The following BCL2L13 variants were observed in gnomAD, a reference collection of about 807,000 sequenced individuals.
BCL2L13 encodes the protein bcl-2-like protein 13.
BCL2L13 carries 13 observed loss-of-function variants against 25.8 expected under a neutral mutation model. The ratio of observed to expected loss-of-function variants is 0.50; its 90% CI spans 0.33 to 0.80. The LOEUF (loss-of-function observed/expected upper bound fraction) is 0.80, where lower values mean the gene tolerates loss of function less well. Ranked by LOEUF, BCL2L13 falls within the 30% of genes least tolerant of loss-of-function variation. BCL2L13 has a pLI of 0.02. For synonymous variants in BCL2L13, 244 were observed against 230.3 expected (o/e 1.06, Z -0.54); for missense variants, 504 against 574.9 (o/e 0.88, Z 1.26).
intron 2 of BCL2L13, among the ~76,000 whole-genome samples, chr22:17,680,237 A>G (rs531527440): frequency 1.6e-4 from 24 of 148,302 alleles, no homozygotes; most frequent in Admixed American, 3.4e-4. Context: ...AAAGCTGGGC[A>G]CGGTGGCTCA....
chr22:17,655,177 T>G (rs2058814260), intron 1 of BCL2L13, among the ~76,000 whole-genome samples: 2 of 152,014 alleles, frequency 1.3e-5, no homozygotes, highest in African/African-American at 4.8e-5. Context: ...GTCTTCTACC[T>G]CCACATCTTG....
chr22:17,696,262 A>T (rs2060261628), intron 5 of BCL2L13, 52 bp downstream of exon 5: 1 of 1,400,002 alleles, frequency 7.1e-7, no homozygotes, highest in African/African-American at 1.4e-5. Context: ...GTTAATGATA[A>T]GACGTAGGAG....
At chr22:17,645,840 T>C (rs916049403) in intron 1 of BCL2L13, among the ~76,000 whole-genome samples, 8 of 151,514 alleles carry the variant, frequency 5.3e-5, no homozygotes, top group East Asian at 3.9e-4. Flanking sequence ...TTATCCAGTT[T>C]CCATATCTCT....
At chr22:17,722,445 T>C (rs2061174097) in intron 6 of BCL2L13, among the ~76,000 whole-genome samples, 2 of 151,160 alleles carry the variant, frequency 1.3e-5, no homozygotes, top group Admixed American at 1.3e-4. Flanking sequence ...TCTTACTATG[T>C]TGCTCAAGCT....
chr22:17,658,681 G>A (rs1437552514), intron 2 of BCL2L13, among the ~76,000 whole-genome samples: 1 of 123,190 alleles, frequency 8.1e-6, no homozygotes, highest in Non-Finnish European at 1.6e-5. Context: ...GGGCAACAGA[G>A]CAAGACTCTG....
chr22:17,663,487 C>T (rs1277621128), intron 2 of BCL2L13, among the ~76,000 whole-genome samples: 1 of 152,044 alleles, frequency 6.6e-6, no homozygotes, highest in Non-Finnish European at 1.5e-5. Context: ...TCATCAAACT[C>T]CCAGAGGAAC....
intron 6 of BCL2L13, among the ~76,000 whole-genome samples, chr22:17,720,205 G>A (rs1438765475): frequency 1.3e-5 from 1 of 79,096 alleles, no homozygotes; most frequent in South Asian, 3.8e-4. Context: ...GTCTCGTTCT[G>A]TCATTCAGGC....
chr22:17,640,247 G>C (rs2058227921), intron 1 of BCL2L13, among the ~76,000 whole-genome samples: 1 of 152,148 alleles, frequency 6.6e-6, no homozygotes, highest in African/African-American at 2.4e-5. Context: ...TCTTCATTTG[G>C]TAATAGGCAG....
intron 6 of BCL2L13, among the ~76,000 whole-genome samples, chr22:17,712,700 T>G (rs916727984): frequency 6.6e-6 from 1 of 152,240 alleles, no homozygotes; most frequent in African/African-American, 2.4e-5. Flanking sequence ...AATACAACTT[T>G]ACAGGAAAAT....
At chr22:17,717,031 T>C (rs2060965732) in intron 6 of BCL2L13, among the ~76,000 whole-genome samples, 1 of 152,242 alleles carries the variant, frequency 6.6e-6, no homozygotes, top group Admixed American at 6.5e-5. Context: ...CTTCACCCCC[T>C]GTCCTATGCT....
chr22:17,661,267 A>G lies in BCL2L13; in HGVS notation c.121+5435A>G, dbSNP rs997509495. Among the ~76,000 whole-genome samples, 11 of 143,280 alleles carry G rather than the reference A, an allele frequency of 7.7e-5. 3 individuals carry two copies. Among genetic ancestry groups the G allele is most frequent in the Admixed American group, 2.8e-4 (4 of 14,316 alleles). The allele number at this position is 143,280 out of a possible 152,430, so 94.0% of individuals were successfully genotyped here. On this transcript the variant is annotated intron_variant, in intron 2 of 6. Coordinates refer to ENST00000317582, the MANE Select transcript of BCL2L13 (RefSeq NM_015367.4). ...GCCACTGCCCCTGGCTAATTTTTGTATTTTTAGTAGAGACAGGGTTTCACT... is the reference window on the plus strand; with the variant it reads ...GCCACTGCCCCTGGCTAATTTTTGTGTTTTTAGTAGAGACAGGGTTTCACT...
chr22:17,655,680 T>C lies in BCL2L13; in HGVS notation c.-32T>C, dbSNP rs1249510476. ...TTCTTAGGTTTTACACATCCATAAG[T>C]AGACCTTTTTGGAGCCTCACCAGCC... On this transcript the variant is annotated 5_prime_UTR_variant, in exon 2 of 7. Transcript: ENST00000317582. 6.2e-7 allele frequency: 1 copy of C among 1,604,678 alleles called. No individual in the cohort carries two copies. The highest frequency in any genetic ancestry group is 1.3e-5 in the African/African-American group (1 of 74,562).
At chr22:17,646,483 A>T (rs985428871) in intron 1 of BCL2L13, among the ~76,000 whole-genome samples, 8 of 150,938 alleles carry the variant, frequency 5.3e-5, no homozygotes, top group Admixed American at 2.0e-4. Context: ...TCCTGACCTC[A>T]GGTGATCCGC....
intron 6 of BCL2L13, among the ~76,000 whole-genome samples, chr22:17,722,237 T>A (rs1255427081): frequency 6.6e-6 from 1 of 152,096 alleles, no homozygotes. Context: ...CCTCTGTTTT[T>A]TTTGGAATTG....
In BCL2L13 at chr22:17,727,680, C is replaced by T. The variant is rs2061334783; in HGVS notation, c.*146C>T. The stretch of plus-strand genomic sequence containing the variant: ...CTCAACATGGCAGTGGCATGTTAGG[C>T]ATGTTAGGGCTTGAGGTGGGGCATT... On this transcript the variant is annotated 3_prime_UTR_variant, in exon 7 of 7. Coordinates refer to ENST00000317582, the MANE Select transcript of BCL2L13 (RefSeq NM_015367.4). The T allele has an allele frequency of 5.5e-6, 6 of 1,090,466 alleles. No individual in the cohort carries two copies. In the South Asian group the frequency reaches 7.7e-5, roughly 14 times the overall value. The allele number at this position is 1,090,466 out of a possible 1,614,324, so 67.5% of individuals were successfully genotyped here.
At chr22:17,697,914 C>T (rs866623752) in intron 5 of BCL2L13, among the ~76,000 whole-genome samples, 6 of 152,076 alleles carry the variant, frequency 3.9e-5, no homozygotes, top group African/African-American at 1.2e-4. Flanking sequence ...CTGCAACCTC[C>T]GCCTCCCAGG....
chr22:17,711,840 C>G (rs777780821), intron 6 of BCL2L13, among the ~76,000 whole-genome samples: 8 of 152,110 alleles, frequency 5.3e-5, no homozygotes, highest in Non-Finnish European at 8.8e-5. Flanking sequence ...GTTTGAAGAA[C>G]TGTGTAATTG....
Position 17,728,107 on chromosome 22 carries a change from C to G in BCL2L13, c.*573C>G. On this transcript the variant is annotated 3_prime_UTR_variant, in exon 7 of 7. Coordinates refer to ENST00000317582, the MANE Select transcript of BCL2L13 (RefSeq NM_015367.4). ...CATCTTTCTCGATGAGCAGGCTCTG[C>G]ACCCACTCTTTTTTTGCCCCCCGCC... 1.3e-5 allele frequency: 2 copies of G among 155,996 alleles called. No homozygotes were observed. The highest frequency in any genetic ancestry group is 1.9e-4 in the South Asian group (1 of 5,254). The allele number at this position is 155,996 out of a possible 1,614,324, so 9.7% of individuals were successfully genotyped here. A position where few individuals can be genotyped will look rare whatever the true frequency, so the allele number is the denominator to read the frequency against.
At chr22:17,668,020 T>A (rs2059290917) in intron 2 of BCL2L13, among the ~76,000 whole-genome samples, 1 of 148,398 alleles carries the variant, frequency 6.7e-6, no homozygotes, top group African/African-American at 2.5e-5. Flanking sequence ...TGCCTATTCT[T>A]TTTTTTTTTT....
Sources: allele counts gnomAD v4.1 joint callset (sites outside exome capture counted in the v4.1 genomes callset), GRCh38; gene constraint gnomAD v4.1.1; transcripts MANE v1.5; gene names NCBI Gene and HGNC (gene_info 2026-07-23, HGNC 2026-07-21).